The following RIMS2 variants were observed in gnomAD, a reference collection of about 807,000 sequenced individuals.
The protein encoded by RIMS2 is regulating synaptic membrane exocytosis protein 2.
In RIMS2, 59 loss-of-function variants were observed where a neutral mutation model predicts 174.4. The observed-to-expected ratio is 0.34, with a 90% confidence interval of 0.27 to 0.42. The LOEUF is 0.42. RIMS2 is among the 10% of genes least tolerant of loss of function. The pLI, the probability that RIMS2 is intolerant of heterozygous loss-of-function variation, is 1.00. For missense variants in RIMS2, 1,620 were observed against 1,666.3 expected, an observed-to-expected ratio of 0.97 and a Z score of 0.48; for synonymous variants, 606 against 572.5, an observed-to-expected ratio of 1.06 and a Z score of -0.84.
At chr8:104,015,548 C>T (rs1483667300) in intron 19 of RIMS2, 5 of 581,494 alleles carry the variant, frequency 8.6e-6, no homozygotes, top group Non-Finnish European at 6.1e-6. Context: ...GATGTCCTTT[C>T]GTTGTGTAGA....
intron 19 of RIMS2, among the ~76,000 whole-genome samples, chr8:104,117,023 A>G (rs1412270624): frequency 6.6e-6 from 1 of 151,530 alleles, no homozygotes; most frequent in East Asian, 1.9e-4. Flanking sequence ...TCGTAAATTT[A>G]TTTGTATAAG....
intron 17 of RIMS2, among the ~76,000 whole-genome samples, chr8:103,994,114 T>C (rs1031526504): frequency 6.6e-5 from 10 of 151,514 alleles, no homozygotes; most frequent in Non-Finnish European, 1.3e-4. Flanking sequence ...TTTTGGAAGC[T>C]ATAGTTTTAC....
chr8:103,948,594 A>G (rs926815664), intron 14 of RIMS2, among the ~76,000 whole-genome samples: 2 of 152,202 alleles, frequency 1.3e-5, no homozygotes, highest in Admixed American at 1.3e-4. Context: ...CATGTGTTCT[A>G]TGATTCTACT....
intron 1 of RIMS2, among the ~76,000 whole-genome samples, chr8:103,541,007 G>A (rs1299040985): frequency 6.6e-6 from 1 of 152,098 alleles, no homozygotes; most frequent in Non-Finnish European, 1.5e-5. Flanking sequence ...GAAAGCTTAT[G>A]GGATTTATGG....
At chr8:103,994,204 G>T (rs1279572710) in intron 17 of RIMS2, among the ~76,000 whole-genome samples, 2 of 151,998 alleles carry the variant, frequency 1.3e-5, no homozygotes, top group Admixed American at 1.3e-4. Flanking sequence ...GGGACATTCG[G>T]CTAATTTCAT....
At chr8:104,223,611 C>A in intron 19 of RIMS2, 3 of 1,546,170 alleles carry the variant, frequency 1.9e-6, no homozygotes, top group Non-Finnish European at 2.6e-6. Context: ...GCCAAGACGC[C>A]GCGTATCTTG....
At chr8:103,580,884 C>T (rs2132791321) in intron 1 of RIMS2, among the ~76,000 whole-genome samples, 1 of 135,756 alleles carries the variant, frequency 7.4e-6, no homozygotes, top group African/African-American at 2.8e-5. Context: ...GGCTGGAGTG[C>T]AGTGGCACTA....
At chr8:104,228,479 G>A (rs2099203662) in intron 19 of RIMS2, among the ~76,000 whole-genome samples, 3 of 152,116 alleles carry the variant, frequency 2.0e-5, no homozygotes, top group South Asian at 2.1e-4. Flanking sequence ...CCCTTACGCC[G>A]TTGAAATAAG....
At chr8:103,564,415 T>C (rs1215143659) in intron 1 of RIMS2, among the ~76,000 whole-genome samples, 1 of 152,196 alleles carries the variant, frequency 6.6e-6, no homozygotes, top group Non-Finnish European at 1.5e-5. Flanking sequence ...TTAAGGAGTA[T>C]TGACTCACAT....
At chr8:103,856,454 A>T (rs2099028202) in intron 3 of RIMS2, among the ~76,000 whole-genome samples, 1 of 152,220 alleles carries the variant, frequency 6.6e-6, no homozygotes, top group Admixed American at 6.5e-5. Flanking sequence ...TGACTTTTAT[A>T]CTGGAATGGC....
chr8:103,547,629 A>G (rs1364008139), intron 1 of RIMS2, among the ~76,000 whole-genome samples: 1 of 152,170 alleles, frequency 6.6e-6, no homozygotes, highest in African/African-American at 2.4e-5. Context: ...CCAACCCCAA[A>G]GCCAGTAGAA....
At chr8:103,552,066 A>G (rs1848201659) in intron 1 of RIMS2, among the ~76,000 whole-genome samples, 1 of 152,216 alleles carries the variant, frequency 6.6e-6, no homozygotes, top group Non-Finnish European at 1.5e-5. Context: ...CCATCAAGCT[A>G]CCAATGACTT....
chr8:103,788,492 C>T lies in RIMS2; in HGVS notation c.698+21955C>T, dbSNP rs569741076. ...GTTTGTTAGTTTTCCTTCTAACAGA[C>T]AGGACCCTCAGCTGCAGGTCTGTTG... On this transcript the variant is annotated intron_variant, in intron 3 of 23. Coordinates refer to ENST00000504942, the Ensembl canonical transcript of RIMS2. 7.5e-5 allele frequency among the ~76,000 whole-genome samples: 11 copies of T among 146,170 alleles called. No homozygotes were observed. In the East Asian group the frequency reaches 1.8e-3, roughly 24 times the overall value.
At chr8:103,852,705 G>A (rs1038155674) in intron 3 of RIMS2, among the ~76,000 whole-genome samples, 40 of 151,846 alleles carry the variant, frequency 2.6e-4, no homozygotes, top group African/African-American at 2.4e-4. Context: ...ATGGCCTCCA[G>A]CTTTATTCAT....
chr8:104,051,108 A>C (rs373291745), intron 19 of RIMS2, among the ~76,000 whole-genome samples: 1 of 151,978 alleles, frequency 6.6e-6, no homozygotes, highest in African/African-American at 2.4e-5. Flanking sequence ...GTGTGGTGGC[A>C]CAAGCCTGTA....
intron 14 of RIMS2, among the ~76,000 whole-genome samples, chr8:103,948,867 G>C (rs532071712): frequency 1.3e-5 from 2 of 151,838 alleles, no homozygotes; most frequent in African/African-American, 4.8e-5. Flanking sequence ...GCTCACACCT[G>C]TAATCTCAGC....
At chr8:104,085,064 C>A (rs1250885761) in intron 19 of RIMS2, among the ~76,000 whole-genome samples, 1 of 152,100 alleles carries the variant, frequency 6.6e-6, no homozygotes, top group African/African-American at 2.4e-5. Flanking sequence ...TGACACAGAC[C>A]AGGAAGAATT....
At chr8:104,004,119 A>C (rs1359803168) in intron 17 of RIMS2, among the ~76,000 whole-genome samples, 1 of 152,210 alleles carries the variant, frequency 6.6e-6, no homozygotes, top group African/African-American at 2.4e-5. Context: ...GGAATTACTG[A>C]GAAAGCTAAG....
intron 19 of RIMS2, among the ~76,000 whole-genome samples, chr8:104,027,713 A>C (rs533014910): frequency 6.6e-6 from 1 of 152,308 alleles, no homozygotes; most frequent in African/African-American, 2.4e-5. Flanking sequence ...TCTCATTCCC[A>C]GTATGCTACT....
Sources: gnomAD v4.1 joint callset for allele counts (sites outside exome capture counted in the v4.1 genomes callset) on GRCh38, gnomAD v4.1.1 for gene constraint, MANE v1.5 for transcripts, NCBI Gene and HGNC (gene_info 2026-07-23, HGNC 2026-07-21) for gene names.